The following PHAX variants were observed in gnomAD, a reference collection of about 807,000 sequenced individuals.
The protein encoded by PHAX is phosphorylated adapter RNA export protein.
Under a neutral mutation model 41.6 loss-of-function variants are expected in PHAX, and 31 were observed. The observed-to-expected ratio is 0.75, with a 90% CI of 0.56 to 1.01. The LOEUF (loss-of-function observed/expected upper bound fraction) is 1.01. PHAX is among the 50% of genes least tolerant of loss of function. The probability of loss-of-function intolerance (pLI) is 0.00; values close to 1 mark genes in which losing one functional copy is unlikely to be tolerated. For synonymous variants in PHAX, 175 were observed against 164.9 expected (o/e 1.06, Z -0.47); for missense variants, 453 against 472.9 (o/e 0.96, Z 0.39).
At chr5:126,602,147 A>T (rs1234842311) in intron 1 of PHAX, among the ~76,000 whole-genome samples, 3 of 150,786 alleles carry the variant, frequency 2.0e-5, no homozygotes, top group Admixed American at 6.6e-5. Context: ...GGGGTTCTCC[A>T]TGTTGGCCAG....
chr5:126,608,504 T>C lies in PHAX; in HGVS notation c.831+20T>C. ...ATAATGGTAAGACTGCTTAACTGTT[T>C]TTGTTTTTGTATTGTTTATCCTGTG... On this transcript the variant is annotated intron_variant, in intron 3 of 4. Transcript: ENST00000297540. 1 of 1,591,758 alleles carries C rather than the reference T, an allele frequency of 6.3e-7. No individual in the cohort carries two copies. Among genetic ancestry groups the C allele is most frequent in the East Asian group, 2.3e-5 (1 of 44,288 alleles).
chr5:126,612,497 G>A (rs946590379), intron 3 of PHAX, among the ~76,000 whole-genome samples: 21 of 152,058 alleles, frequency 1.4e-4, no homozygotes, highest in South Asian at 4.2e-4. Context: ...GTCAGGAGTT[G>A]AGACCAGCCT....
In PHAX at chr5:126,603,645, C is replaced by A. The variant is rs1438066017; in HGVS notation, c.172C>A (p.Arg58=). ...ATACAPVSHY[R]AVESVDSSEE... ...TGCATGTGCACCAGTATCACATTAT[C>A]GAGCTGTTGAAAGTGTGGATTCAAG... The change falls in exon 2 of 5, where the codon CGA becomes AGA. Residue 58 remains arginine, a synonymous_variant. Coordinates refer to ENST00000297540, the MANE Select transcript of PHAX (RefSeq NM_032177.4). 1.2e-6 allele frequency: 2 copies of A among 1,614,126 alleles called. No homozygotes were observed. Among genetic ancestry groups the A allele is most frequent in the East Asian group, 2.2e-5 (1 of 44,886 alleles).
At position 126,617,302 on chromosome 5, in the gene PHAX, A is replaced by G. The variant is rs149600878; in HGVS notation, c.884A>G (p.Asn295Ser). The change falls in exon 4 of 5, where the codon AAC becomes AGC. Residue 295 changes from asparagine (N) to serine (S), a missense_variant. Physicochemically the swap from Asn to Ser is conservative, Grantham distance 46. Coordinates refer to ENST00000297540, the MANE Select transcript of PHAX (RefSeq NM_032177.4). Reference sequence around the variant, plus strand: ...GGAGTTTTTCTGAATCTCTTGAAAAACACTCCTAGTATCAGCGAGGAACAA... The same window carrying G: ...GGAGTTTTTCTGAATCTCTTGAAAAGCACTCCTAGTATCAGCGAGGAACAA... ...PGGVFLNLLK[N>S]TPSISEEQIK... 891 of 1,610,380 alleles carry G rather than the reference A, an allele frequency of 5.5e-4. No homozygotes were observed. Among genetic ancestry groups the G allele is most frequent in the Non-Finnish European group, 6.9e-4 (811 of 1,177,244 alleles).
In PHAX at chr5:126,613,278, G is replaced by A. The variant is rs529317852; in HGVS notation, c.832-3972G>A. Among the ~76,000 whole-genome samples the A allele has an allele frequency of 4.6e-5, 7 of 152,278 alleles. No individual in the cohort carries two copies. The South Asian group carries it at 1.4e-3, about 32-fold the overall frequency. ...GCAGGAGAATTGCTTGAACCTGGGA[G>A]GTGGAGGTTGCAGTGAGCAGAGATT... On this transcript the variant is annotated intron_variant, in intron 3 of 4. Coordinates refer to ENST00000297540, the MANE Select transcript of PHAX (RefSeq NM_032177.4).
intron 4 of PHAX, among the ~76,000 whole-genome samples, chr5:126,617,653 A>G (rs139917565): frequency 4.3e-4 from 65 of 151,888 alleles, no homozygotes; most frequent in African/African-American, 1.4e-3. Flanking sequence ...TGATTTTTGT[A>G]TTTTTAGTAG....
At chr5:126,615,079 C>CATAT (rs1752163432) in intron 3 of PHAX, among the ~76,000 whole-genome samples, 1 of 151,842 alleles carries the variant, frequency 6.6e-6, no homozygotes, top group Non-Finnish European at 1.5e-5. Flanking sequence ...CACAAATGGT[C>CATAT]ATATACTATG....
chr5:126,607,889 C>T (rs767008778), intron 2 of PHAX, among the ~76,000 whole-genome samples: 1 of 152,140 alleles, frequency 6.6e-6, no homozygotes, highest in Non-Finnish European at 1.5e-5. Flanking sequence ...AATAAGCCAT[C>T]AGTAAATATT....
chr5:126,605,616 T>G (rs1045805133), intron 2 of PHAX, among the ~76,000 whole-genome samples: 1 of 152,036 alleles, frequency 6.6e-6, no homozygotes, highest in Non-Finnish European at 1.5e-5. Context: ...CGGACTGATC[T>G]CGATCTCCTG....
At chr5:126,616,083 G>T (rs1581420885) in intron 3 of PHAX, among the ~76,000 whole-genome samples, 1 of 125,634 alleles carries the variant, frequency 8.0e-6, no homozygotes, top group East Asian at 2.3e-4. Context: ...AGGTTTGCAT[G>T]AGACTTTGTC....
chr5:126,619,431 C>T (rs1054687676), intron 4 of PHAX, among the ~76,000 whole-genome samples: 7 of 152,108 alleles, frequency 4.6e-5, no homozygotes, highest in Middle Eastern at 3.4e-3. Flanking sequence ...CAAAAATTAA[C>T]CAGGCATGGT....
intron 1 of PHAX, among the ~76,000 whole-genome samples, chr5:126,601,285 G>A (rs1392135400): frequency 6.6e-6 from 1 of 151,996 alleles, no homozygotes; most frequent in Admixed American, 6.5e-5. Flanking sequence ...GACGGCGGCA[G>A]CGGCAGCGGC....
At chr5:126,614,329 C>T (rs1392441736) in intron 3 of PHAX, among the ~76,000 whole-genome samples, 2 of 152,044 alleles carry the variant, frequency 1.3e-5, no homozygotes, top group African/African-American at 2.4e-5. Flanking sequence ...AAACTCCTGA[C>T]CTCAAGTGAT....
intron 2 of PHAX, among the ~76,000 whole-genome samples, chr5:126,607,099 A>G (rs934983268): frequency 2.6e-5 from 4 of 152,220 alleles, no homozygotes; most frequent in African/African-American, 9.6e-5. Context: ...AGTGTCATAA[A>G]TTTGAAAACA....
intron 4 of PHAX, among the ~76,000 whole-genome samples, chr5:126,619,716 G>C (rs761290831): frequency 6.6e-6 from 1 of 152,020 alleles, no homozygotes; most frequent in Admixed American, 6.6e-5. Flanking sequence ...AGACTCTTTA[G>C]TATTTTAAAT....
At chr5:126,620,641 T>C (rs139113786) in intron 4 of PHAX, among the ~76,000 whole-genome samples, 2 of 152,342 alleles carry the variant, frequency 1.3e-5, no homozygotes, top group African/African-American at 4.8e-5. Flanking sequence ...TAGAAAGTTT[T>C]TATGTCAAAC....
intron 3 of PHAX, among the ~76,000 whole-genome samples, chr5:126,612,521 A>C (rs1359214643): frequency 6.6e-6 from 1 of 152,048 alleles, no homozygotes; most frequent in Non-Finnish European, 1.5e-5. Flanking sequence ...TAATGTGGAG[A>C]AACCCCATCT....
chr5:126,626,781 C>T lies in PHAX; in HGVS notation c.*1937C>T, dbSNP rs1752362071. 6.7e-6 allele frequency: 1 copy of T among 148,880 alleles called. No homozygotes were observed. The highest frequency in any genetic ancestry group is 2.5e-5 in the African/African-American group (1 of 39,900). The allele number at this position is 148,880 out of a possible 1,614,324, so 9.2% of individuals were successfully genotyped here. On this transcript the variant is annotated 3_prime_UTR_variant, in exon 5 of 5. Transcript: ENST00000297540. ...AAAAAATTAGCCGGGCATTGTGGTG[C>T]ATGCCTGTAATCTCAGCTATTTGGG...
intron 2 of PHAX, among the ~76,000 whole-genome samples, chr5:126,606,537 A>AGT (rs1275399577): frequency 6.6e-6 from 1 of 152,112 alleles, no homozygotes; most frequent in Non-Finnish European, 1.5e-5. Flanking sequence ...ACATTTTTAT[A>AGT]GTGTGTGTAT....
Sources: allele counts gnomAD v4.1 joint callset (sites outside exome capture counted in the v4.1 genomes callset), GRCh38; gene constraint gnomAD v4.1.1; transcripts MANE v1.5; gene names NCBI Gene and HGNC (gene_info 2026-07-23, HGNC 2026-07-21).